Variants in DENND4A observed in about 807,000 individuals in gnomAD.
The protein encoded by DENND4A is DENN domain containing 4A.
A neutral mutation model predicts 199.3 loss-of-function variants in DENND4A; 70 were observed. That is an observed-to-expected ratio of 0.35 (90% confidence interval 0.29 to 0.43). DENND4A has a LOEUF of 0.43. Ranked by LOEUF, DENND4A falls within the 20% of genes least tolerant of loss-of-function variation. The probability of loss-of-function intolerance (pLI) is 1.00; values close to 1 mark genes in which losing one functional copy is unlikely to be tolerated. For synonymous variants in DENND4A, 686 were observed against 766.9 expected (o/e 0.89, Z 1.74); for missense variants, 1,723 against 2,255.8 (o/e 0.76, Z 4.78).
At chr15:65,665,316 C>A in intron 30 of DENND4A, 29 bp downstream of exon 30, 1 of 1,570,430 alleles carries the variant, frequency 6.4e-7, no homozygotes, top group South Asian at 1.1e-5. Context: ...CTCATATGAA[C>A]AAAGTCAGCA....
At chr15:65,754,764 G>T (rs2076657752) in intron 3 of DENND4A, among the ~76,000 whole-genome samples, 1 of 152,186 alleles carries the variant, frequency 6.6e-6, no homozygotes, top group East Asian at 1.9e-4. Context: ...AATATGAAAT[G>T]CTGACTAGGA....
rs374391346 is a variant in DENND4A at position 65,694,403 on chromosome 15, C to T, written c.3082+1963G>A. Among the ~76,000 whole-genome samples, 12 of 151,524 alleles carry T rather than the reference C, an allele frequency of 7.9e-5. No homozygotes were observed. The South Asian group carries it at 1.0e-3, about 13-fold the overall frequency. ...AGCAGAGGTTGCAGTGAGCCAAGAT[C>T]GTGCCACTGCACTCCAGCCTGGGCA... On this transcript the variant is annotated intron_variant, in intron 22 of 32. Coordinates refer to ENST00000443035, the MANE Select transcript of DENND4A (RefSeq NM_001320835.1).
Position 65,728,999 on chromosome 15 carries a change from A to G in DENND4A, c.1487+73T>C, listed in dbSNP as rs1182642766. The stretch of plus-strand genomic sequence containing the variant: ...CTTAAAAGAATCCTACTTAACAATC[A>G]TAAAATATACAGTTACATACATATG... On this transcript the variant is annotated intron_variant, in intron 11 of 32. Coordinates refer to ENST00000443035, the MANE Select transcript of DENND4A (RefSeq NM_001320835.1). 3 of 1,372,994 alleles carry G rather than the reference A, an allele frequency of 2.2e-6. No homozygotes were observed. In the East Asian group the frequency reaches 7.5e-5, roughly 34 times the overall value. The allele number at this position is 1,372,994 out of a possible 1,614,324, so 85.1% of individuals were successfully genotyped here.
intron 27 of DENND4A, among the ~76,000 whole-genome samples, chr15:65,669,434 G>C (rs1178916030): frequency 1.3e-5 from 2 of 152,130 alleles, no homozygotes; most frequent in African/African-American, 4.8e-5. Flanking sequence ...TTAAAAAGTA[G>C]TAGTATTGAC....
chr15:65,790,301 T>TTCATA (rs1351765644), intron 1 of DENND4A, among the ~76,000 whole-genome samples: 5 of 152,118 alleles, frequency 3.3e-5, no homozygotes, highest in Admixed American at 3.3e-4. Flanking sequence ...AGACAAAAAA[T>TTCATA]TCATATTGCT....
rs2074833976 is a variant in DENND4A, at chr15:65,700,623, A to G, written c.2754T>C (p.His918=). 6.5e-7 allele frequency: 1 copy of G among 1,548,070 alleles called. No individual in the cohort carries two copies. The highest frequency in any genetic ancestry group is 2.5e-5 in the East Asian group (1 of 40,644). ...GTGCCTGCTCCACAGTGTGTGTCCC[A>G]TGACCACTATCCATGCTGCCATGAC... ...AVSHGSMDSG[H]GTHTVEQAPF... Residue 918 remains histidine, a synonymous_variant, in exon 20 of 33, where the codon CAT becomes CAC. Transcript: ENST00000443035.
intron 22 of DENND4A, among the ~76,000 whole-genome samples, chr15:65,695,694 T>G (rs2077122449): frequency 6.6e-6 from 1 of 152,164 alleles, no homozygotes; most frequent in African/African-American, 2.4e-5. Flanking sequence ...ATCACACTAT[T>G]AACACTAAAA....
In DENND4A at chr15:65,691,067, A is replaced by C. The variant is rs74023361; in HGVS notation, c.3527T>G (p.Val1176Gly). The C allele has an allele frequency of 1.5e-4, 234 of 1,613,146 alleles. 1 individual carries two copies. The African/African-American group carries it at 2.9e-3, about 20-fold the overall frequency. ...DLEDLDSETD[V>G]SKAGCVATQN... Reference sequence around the variant, plus strand: ...TGTAGCAACACATCCTGCTTTTGATACATCTGTTTCACTGTCTAAGTCTTC... The same window carrying C: ...TGTAGCAACACATCCTGCTTTTGATCCATCTGTTTCACTGTCTAAGTCTTC... Residue 1176 changes from valine (V) to glycine (G), a missense_variant, in exon 23 of 33, where the codon GTA (valine) becomes GGA (glycine). By Grantham distance (109) the Val-to-Gly change is moderately radical. Transcript: ENST00000443035.
chr15:65,748,633 A>C (rs908204751), intron 4 of DENND4A, among the ~76,000 whole-genome samples: 9 of 151,294 alleles, frequency 5.9e-5, no homozygotes, highest in African/African-American at 2.2e-4. Context: ...AAAAAAAAAA[A>C]AACAAACAAA....
At chr15:65,739,319 T>C (rs1385960046) in intron 5 of DENND4A, among the ~76,000 whole-genome samples, 1 of 152,126 alleles carries the variant, frequency 6.6e-6, no homozygotes, top group Non-Finnish European at 1.5e-5. Context: ...CTAGCACAAA[T>C]ACAGGAAAAT....
chr15:65,752,128 G>C (rs571732483), intron 4 of DENND4A, among the ~76,000 whole-genome samples: 1 of 53,312 alleles, frequency 1.9e-5, no homozygotes, highest in African/African-American at 8.9e-5. Flanking sequence ...TGTAGTGGGC[G>C]GGGGGGGTGG....
intron 26 of DENND4A, 37 bp from the exon 27 acceptor site, chr15:65,669,962 G>A (rs376663396): frequency 5.6e-6 from 9 of 1,609,628 alleles, no homozygotes; most frequent in East Asian, 4.5e-5. Flanking sequence ...TGAGAAAAGA[G>A]ATATTATAGG....
rs754871359 is a variant in DENND4A, at chr15:65,752,435, C to T, written c.505G>A (p.Gly169Arg). The T allele has an allele frequency of 6.2e-7, 1 of 1,613,290 alleles. No individual in the cohort carries two copies. Among genetic ancestry groups the T allele is most frequent in the Non-Finnish European group, 8.5e-7 (1 of 1,179,696 alleles). Residue 169 changes from glycine to arginine, a missense_variant, in exon 4 of 33, where the codon GGA (glycine) becomes AGA (arginine). By Grantham distance (125) the Gly-to-Arg change is moderately radical. Around this residue, in one of 6 missense-constraint regions of DENND4A, gnomAD observed 725 missense variants for 952.9 expected, o/e 0.76. Coordinates refer to ENST00000443035, the MANE Select transcript of DENND4A (RefSeq NM_001320835.1). ...CAGAACGTGTGTGGTGGGCTTTCTC[C>T]TTTACTGGGTATAATAATACATATG... The part of the protein sequence containing the change: ...TDICIIIPSK[G>R]ESPPHTFCKV...
intron 2 of DENND4A, among the ~76,000 whole-genome samples, chr15:65,759,794 T>C (rs2076807046): frequency 6.6e-6 from 1 of 152,218 alleles, no homozygotes; most frequent in African/African-American, 2.4e-5. Context: ...AAAAGGACTT[T>C]TGTGTTTAAC....
intron 7 of DENND4A, among the ~76,000 whole-genome samples, chr15:65,733,790 C>T (rs970720184): frequency 6.6e-6 from 1 of 152,204 alleles, no homozygotes; most frequent in Non-Finnish European, 1.5e-5. Context: ...TTACCCCCAA[C>T]GCCGTGCTCT....
chr15:65,769,814 A>G (rs1366310684), intron 1 of DENND4A, among the ~76,000 whole-genome samples: 1 of 152,212 alleles, frequency 6.6e-6, no homozygotes, highest in African/African-American at 2.4e-5. Flanking sequence ...AGAAGTACCA[A>G]AGATATGTTT....
At chr15:65,786,899 G>T (rs1013761357) in intron 1 of DENND4A, among the ~76,000 whole-genome samples, 1 of 152,114 alleles carries the variant, frequency 6.6e-6, no homozygotes, top group East Asian at 1.9e-4. Flanking sequence ...CCTCTGGGAG[G>T]GGAGATGAAG....
At chr15:65,713,066 A>G (rs76345027) in intron 14 of DENND4A, among the ~76,000 whole-genome samples, 2,649 of 152,202 alleles carry the variant, frequency 0.017, 36 homozygotes, top group Non-Finnish European at 0.025. Context: ...ACATTGATAC[A>G]TTATTACTGG....
intron 1 of DENND4A, among the ~76,000 whole-genome samples, chr15:65,763,371 G>A (rs1427630856): frequency 2.6e-5 from 4 of 152,102 alleles, no homozygotes; most frequent in African/African-American, 4.8e-5. Flanking sequence ...AAGAGAAGGG[G>A]GTAAGGGCAT....
Sources: allele counts gnomAD v4.1 joint callset (sites outside exome capture counted in the v4.1 genomes callset), GRCh38; gene constraint gnomAD v4.1.1; regional missense constraint gnomAD v4.1.1; transcripts MANE v1.5; gene names NCBI Gene and HGNC (gene_info 2026-07-23, HGNC 2026-07-21).